PAM: variants seen among roughly 807,000 people sequenced by gnomAD.
PAM encodes peptidyl-glycine alpha-amidating monooxygenase.
Under a neutral mutation model 122.1 loss-of-function variants are expected in PAM, and 72 were observed. The observed-to-expected ratio is 0.59, with a 90% CI of 0.49 to 0.72. PAM has a LOEUF of 0.72. Ranked by LOEUF, PAM falls within the 30% of genes least tolerant of loss-of-function variation. PAM has a pLI of 0.00. For synonymous variants in PAM, 389 were observed against 404.4 expected, an observed-to-expected ratio of 0.96 and a Z score of 0.46; for missense variants, 1,106 against 1,183.7, an observed-to-expected ratio of 0.93 and a Z score of 0.96.
intron 1 of PAM, among the ~76,000 whole-genome samples, chr5:102,858,997 G>A (rs940071916): frequency 6.7e-6 from 1 of 150,070 alleles, no homozygotes; most frequent in African/African-American, 2.4e-5. Context: ...TGATGCTGAT[G>A]TTAACAAACC....
rs534925634 is a variant in PAM, at chr5:102,809,632, T to C, written c.-374+54284T>C. Among the ~76,000 whole-genome samples, 25 of 152,384 alleles carry C rather than the reference T, an allele frequency of 1.6e-4. No homozygotes were observed. The East Asian group carries it at 4.6e-3, about 28-fold the overall frequency. ...AATTTGCATTTTGTTTCTTGTATTTTTGAAGCCTTTTTAAATATACCCTTC... is the reference window on the plus strand; with the variant it reads ...AATTTGCATTTTGTTTCTTGTATTTCTGAAGCCTTTTTAAATATACCCTTC... On this transcript the variant is annotated intron_variant, in intron 1 of 25. Transcript: ENST00000438793.
chr5:102,915,214 C>CA (rs1802741273), intron 5 of PAM, among the ~76,000 whole-genome samples: 3 of 152,106 alleles, frequency 2.0e-5, no homozygotes, highest in Admixed American at 1.3e-4. Flanking sequence ...CTTACATAAT[C>CA]ATGTAGACTG....
Position 102,821,162 on chromosome 5 carries a change from A to G in PAM, c.-373-44661A>G, listed in dbSNP as rs145529342. Among the ~76,000 whole-genome samples the G allele has an allele frequency of 5.9e-5, 9 of 152,330 alleles. No individual in the cohort carries two copies. The East Asian group carries it at 1.7e-3, about 29-fold the overall frequency. Reference sequence around the variant, plus strand: ...ATTCAAGCTTGGAATTTTTCAAGGTAAGGATTGGAGATGGGAAGGGAGAAA... The same window carrying G: ...ATTCAAGCTTGGAATTTTTCAAGGTGAGGATTGGAGATGGGAAGGGAGAAA... On this transcript the variant is annotated intron_variant, in intron 1 of 25. Coordinates refer to ENST00000438793, the MANE Select transcript of PAM (RefSeq NM_001177306.2).
At chr5:102,854,784 T>A (rs1339436955) in intron 1 of PAM, among the ~76,000 whole-genome samples, 1 of 152,200 alleles carries the variant, frequency 6.6e-6, no homozygotes, top group African/African-American at 2.4e-5. Context: ...CACCACCTGT[T>A]TGTGCATCAG....
chr5:102,817,509 T>C (rs2150276160), intron 1 of PAM, among the ~76,000 whole-genome samples: 1 of 152,272 alleles, frequency 6.6e-6, no homozygotes, highest in Middle Eastern at 3.4e-3. Flanking sequence ...AGGTTAAATG[T>C]GATATATTTT....
chr5:102,866,451 A>G (rs1021143267), intron 2 of PAM, 167 bp downstream of exon 2: 1 of 612,908 alleles, frequency 1.6e-6, no homozygotes, highest in African/African-American at 1.8e-5. Flanking sequence ...GAAAAAGCCC[A>G]CTGCATTGTA....
chr5:103,006,623 GA>G (rs1223590594), intron 18 of PAM, among the ~76,000 whole-genome samples, 177 bp from the exon 19 acceptor site: 1 of 152,160 alleles, frequency 6.6e-6, no homozygotes, highest in African/African-American at 2.4e-5. Context: ...TCAAATGAAG[GA>G]ACCAGACCAG....
intron 1 of PAM, among the ~76,000 whole-genome samples, chr5:102,787,657 C>A (rs1030546392): frequency 6.6e-6 from 1 of 151,884 alleles, no homozygotes; most frequent in Admixed American, 6.6e-5. Flanking sequence ...TATTGTGCAG[C>A]TCTTAGCAAG....
At chr5:102,849,808 A>C (rs547721845) in intron 1 of PAM, among the ~76,000 whole-genome samples, 1 of 152,162 alleles carries the variant, frequency 6.6e-6, no homozygotes, top group Non-Finnish European at 1.5e-5. Flanking sequence ...GAATATCAAC[A>C]TATTCGGGAA....
chr5:102,887,423 A>C (rs566987774), intron 3 of PAM, among the ~76,000 whole-genome samples: 1 of 151,942 alleles, frequency 6.6e-6, no homozygotes, highest in African/African-American at 2.4e-5. Context: ...CCTTCCAGCC[A>C]CTAGAATCAT....
In PAM at chr5:102,913,972, CA is replaced by C; in HGVS notation, c.308del (p.His103ProfsTer93). On this transcript the variant is annotated frameshift_variant, in exon 5 of 26. Coordinates refer to ENST00000438793, the MANE Select transcript of PAM (RefSeq NM_001177306.2). LOFTEE classifies it high-confidence loss of function. ...KPRASMDTVH[H>X]MLLFGCNMPS... ...TCGAGCCAGCATGGATACTGTCCAT[CA>C]CATGTTACTTTTTGGATGCAATATG... is the stretch of plus-strand genomic sequence containing the variant. 6.2e-7 allele frequency: 1 copy of C among 1,608,236 alleles called. No homozygotes were observed. The highest frequency in any genetic ancestry group is 8.5e-7 in the Non-Finnish European group (1 of 1,174,970).
chr5:102,882,296 C>A (rs1023629319), intron 3 of PAM, among the ~76,000 whole-genome samples: 1 of 151,108 alleles, frequency 6.6e-6, no homozygotes, highest in African/African-American at 2.4e-5. Context: ...GGAATCTACA[C>A]ACTGTTTTCC....
At chr5:102,949,639 T>C (rs1270119274) in intron 10 of PAM, 22 bp downstream of exon 10, 7 of 1,095,166 alleles carry the variant, frequency 6.4e-6, no homozygotes, top group Non-Finnish European at 9.8e-6. Flanking sequence ...ACATGTTAAA[T>C]TATAAATATT....
chr5:102,866,080 C>G lies in PAM; in HGVS notation c.-116C>G. 1.7e-6 allele frequency: 1 copy of G among 578,496 alleles called. No individual in the cohort carries two copies. The highest frequency in any genetic ancestry group is 3.3e-5 in the East Asian group (1 of 30,460). 35.8% of individuals were successfully genotyped at this position (578,496 alleles called of 1,614,324 possible). A position where few individuals can be genotyped will look rare whatever the true frequency, so the allele number is the denominator to read the frequency against. On this transcript the variant is annotated 5_prime_UTR_variant, in exon 2 of 26. Coordinates refer to ENST00000438793, the MANE Select transcript of PAM (RefSeq NM_001177306.2). Reference sequence around the variant, plus strand: ...ATGGTGTGTGGCCGCCGCAGGACGCCCGCCGTGCCCGGGCCATGAAGTAGC... The same window carrying G: ...ATGGTGTGTGGCCGCCGCAGGACGCGCGCCGTGCCCGGGCCATGAAGTAGC...
Position 102,949,987 on chromosome 5 carries a change from A to T in PAM, c.801+9A>T. 1 of 1,428,906 alleles carries T rather than the reference A, an allele frequency of 7.0e-7. No homozygotes were observed. Among genetic ancestry groups the T allele is most frequent in the Non-Finnish European group, 9.9e-7 (1 of 1,014,042 alleles). 88.5% of individuals were successfully genotyped at this position (1,428,906 alleles called of 1,614,324 possible). A position where few individuals can be genotyped will look rare whatever the true frequency, so the allele number is the denominator to read the frequency against. ...GCCCTCAGCTGCCACAGGTGGGTAA[A>T]ATCTAGTTTAATTTTGAGAGAAAAA... On this transcript the variant is annotated intron_variant, in intron 11 of 25. Transcript: ENST00000438793.
At chr5:102,945,774 T>A (rs1305638706) in intron 7 of PAM, among the ~76,000 whole-genome samples, 1 of 136,532 alleles carries the variant, frequency 7.3e-6, no homozygotes, top group Non-Finnish European at 1.6e-5. Flanking sequence ...CTTAACTGTC[T>A]GAGTACTGAT....
chr5:102,754,804 G>A (rs1749649228), upstream of PAM: 1 of 152,368 alleles, frequency 6.6e-6, no homozygotes, highest in Non-Finnish European at 1.5e-5. Flanking sequence ...CTTCTCTCAG[G>A]GCAGCTGGCG....
chr5:102,825,840 C>A (rs1773448269), intron 1 of PAM, among the ~76,000 whole-genome samples: 1 of 152,030 alleles, frequency 6.6e-6, no homozygotes, highest in Admixed American at 6.6e-5. Flanking sequence ...AGATCAATAC[C>A]CCATCTCTAA....
chr5:102,806,063 T>A lies in PAM; in HGVS notation c.-374+50715T>A, dbSNP rs1323486806. 3.3e-5 allele frequency among the ~76,000 whole-genome samples: 5 copies of A among 152,272 alleles called. No individual in the cohort carries two copies. The East Asian group carries it at 9.6e-4, about 29-fold the overall frequency. ...GAAATGGTACCTTTTTAAAAAAACA[T>A]CTAACAAAGCAGCTTTACTGTTGGA... On this transcript the variant is annotated intron_variant, in intron 1 of 25. Transcript: ENST00000438793.
Sources: allele counts gnomAD v4.1 joint callset (sites outside exome capture counted in the v4.1 genomes callset), GRCh38; gene constraint gnomAD v4.1.1; transcripts MANE v1.5; gene names NCBI Gene and HGNC (gene_info 2026-07-23, HGNC 2026-07-21).